Variants in ACACB observed in about 807,000 individuals in gnomAD.
ACACB encodes acetyl-CoA carboxylase beta.
ACACB carries 209 observed loss-of-function variants against 278.8 expected under a neutral mutation model. The ratio of observed to expected loss-of-function variants is 0.75; its 90% CI spans 0.67 to 0.84. The LOEUF (loss-of-function observed/expected upper bound fraction) is 0.84. Among genes scored for constraint, ACACB ranks in the 40% least tolerant of loss-of-function variants. The pLI is 0.00. For missense variants in ACACB, 2,850 were observed against 3,269.0 expected, an observed-to-expected ratio of 0.87 and a Z score of 3.13; for synonymous variants, 1,174 against 1,285.6, an observed-to-expected ratio of 0.91 and a Z score of 1.86.
intron 29 of ACACB, 71 bp downstream of exon 29, chr12:109,232,877 C>CA (rs1321611779): frequency 6.3e-7 from 1 of 1,577,520 alleles, no homozygotes; most frequent in African/African-American, 1.3e-5. Flanking sequence ...AATCCCCCCC[C>CA]AATTCACTGG....
chr12:109,210,163 A>ATG (rs2045706302), intron 21 of ACACB, among the ~76,000 whole-genome samples: 1 of 44,754 alleles, frequency 2.2e-5, no homozygotes, highest in African/African-American at 9.3e-5. Context: ...ACACGTGTGT[A>ATG]TATGTATATA....
At chr12:109,232,526 G>T (rs548382802) in intron 28 of ACACB, 143 bp from the exon 29 acceptor site, 117 of 1,044,422 alleles carry the variant, frequency 1.1e-4, no homozygotes, top group Non-Finnish European at 1.5e-4. Context: ...CCCAGCCATT[G>T]TCTCATCCCC....
chr12:109,202,700 C>A (rs74490046), intron 19 of ACACB, among the ~76,000 whole-genome samples: 1,561 of 152,062 alleles, frequency 0.01, 13 homozygotes, highest in Non-Finnish European at 0.016. Context: ...ATTTAATGAA[C>A]CAATATCGAT....
At chr12:109,117,973 C>A (rs2042448563) in intron 1 of ACACB, among the ~76,000 whole-genome samples, 1 of 152,190 alleles carries the variant, frequency 6.6e-6, no homozygotes, top group African/African-American at 2.4e-5. Context: ...TGGTCTCGAT[C>A]TCCTGACCTC....
At chr12:109,186,911 C>T (rs1248169758) in intron 12 of ACACB, among the ~76,000 whole-genome samples, 2 of 152,134 alleles carry the variant, frequency 1.3e-5, no homozygotes, top group Non-Finnish European at 2.9e-5. Flanking sequence ...TCCCCAAATC[C>T]TTCATCCCTT....
At chr12:109,150,995 T>C (rs1237559674) in intron 2 of ACACB, among the ~76,000 whole-genome samples, 2 of 143,856 alleles carry the variant, frequency 1.4e-5, no homozygotes, top group Non-Finnish European at 3.1e-5. Context: ...TTTTTTTTTT[T>C]TGAGACGGAG....
chr12:109,119,188 G>A (rs1408351757), intron 1 of ACACB, among the ~76,000 whole-genome samples: 1 of 152,176 alleles, frequency 6.6e-6, no homozygotes, highest in Non-Finnish European at 1.5e-5. Flanking sequence ...GATAACAAAT[G>A]GCAAAGCCTC....
intron 43 of ACACB, among the ~76,000 whole-genome samples, chr12:109,253,472 C>A (rs2047149106): frequency 6.6e-6 from 1 of 152,142 alleles, no homozygotes; most frequent in Non-Finnish European, 1.5e-5. Flanking sequence ...TACAGTCAGG[C>A]TGGATTTGAT....
intron 21 of ACACB, among the ~76,000 whole-genome samples, chr12:109,210,452 T>TGTGTATATATAC (rs2045790278): frequency 2.8e-5 from 4 of 143,360 alleles, no homozygotes; most frequent in African/African-American, 7.6e-5. Flanking sequence ...CATGTGTATA[T>TGTGTATATATAC]ATGTATATAT....
chr12:109,129,521 A>G (rs1292090220), intron 1 of ACACB, among the ~76,000 whole-genome samples: 1 of 152,216 alleles, frequency 6.6e-6, no homozygotes, highest in Non-Finnish European at 1.5e-5. Flanking sequence ...TTAAAAAAAT[A>G]ATCCTCTGTT....
rs565442409 is a variant in ACACB at position 109,257,796 on chromosome 12, C to G, written c.6264-472C>G. Among the ~76,000 whole-genome samples, 121 of 152,280 alleles carry G rather than the reference C, an allele frequency of 7.9e-4. 2 individuals are homozygous for G. The South Asian group carries it at 0.024, about 31-fold the overall frequency. On this transcript the variant is annotated intron_variant, in intron 45 of 52. Transcript: ENST00000338432. Reference sequence around the variant, plus strand: ...ATGCTGTCCAGGCTGGTCTCAAACTCCTGGACTCAAGCAATCCTCCTGCTT... The same window carrying G: ...ATGCTGTCCAGGCTGGTCTCAAACTGCTGGACTCAAGCAATCCTCCTGCTT...
intron 2 of ACACB, among the ~76,000 whole-genome samples, chr12:109,149,102 A>G (rs1351079332): frequency 6.6e-6 from 1 of 152,134 alleles, no homozygotes; most frequent in Admixed American, 6.6e-5. Context: ...CACCATTTGA[A>G]CCCAGACCCT....
intron 34 of ACACB, 150 bp from the exon 35 acceptor site, chr12:109,239,680 G>A: frequency 2.3e-6 from 2 of 883,998 alleles, no homozygotes; most frequent in Non-Finnish European, 3.3e-6. Flanking sequence ...GCCTCTGAGA[G>A]GCAGGGCTCT....
chr12:109,212,070 C>T (rs901717220), intron 21 of ACACB, among the ~76,000 whole-genome samples: 6 of 152,156 alleles, frequency 3.9e-5, no homozygotes, highest in South Asian at 2.1e-4. Flanking sequence ...TGGTATAAGG[C>T]GAATGTGTGC....
chr12:109,252,149 T>C lies in ACACB; in HGVS notation c.5894T>C (p.Leu1965Pro). 1 of 1,609,906 alleles carries C rather than the reference T, an allele frequency of 6.2e-7. No homozygotes were observed. The highest frequency in any genetic ancestry group is 2.2e-5 in the East Asian group (1 of 44,696). Residue 1965 changes from leucine (L) to proline (P), a missense_variant, in exon 42 of 53, where the codon CTC becomes CCC. This residue lies in a region of ACACB where 579 missense variants were observed against 684.6 expected (regional missense o/e 0.85). Transcript: ENST00000338432. ...SHIILTGASALNKVLGREVYT... is the reference protein window; with the variant it reads ...SHIILTGASAPNKVLGREVYT... The stretch of plus-strand genomic sequence containing the variant: ...ATCATCCTCACAGGAGCAAGTGCTC[T>C]CAACAAGGTGACCAAAAAGGGGCCT...
intron 11 of ACACB, among the ~76,000 whole-genome samples, chr12:109,184,706 ATTT>A (rs201836386): frequency 4.3e-5 from 6 of 139,150 alleles, no homozygotes; most frequent in Admixed American, 7.2e-5. Flanking sequence ...TGGCATTAAA[ATTT>A]TTTTTTTTTT....
intron 45 of ACACB, among the ~76,000 whole-genome samples, chr12:109,257,040 A>G (rs1259084670): frequency 6.6e-6 from 1 of 152,286 alleles, no homozygotes; most frequent in South Asian, 2.1e-4. Flanking sequence ...TTGGGAGGCC[A>G]AGGCGGGTGG....
chr12:109,119,842 C>T (rs1230808237), intron 1 of ACACB, among the ~76,000 whole-genome samples: 1 of 152,012 alleles, frequency 6.6e-6, no homozygotes. Context: ...TTGCAGCAAG[C>T]TGAGATCGCG....
rs903288303 is a variant in ACACB at position 109,243,997 on chromosome 12, T to C, written c.5178+1405T>C. Among the ~76,000 whole-genome samples the C allele has an allele frequency of 4.6e-5, 7 of 152,198 alleles. No individual in the cohort carries two copies. In the South Asian group the frequency reaches 1.5e-3, roughly 32 times the overall value. ...TGTGCCATGTTGGTATGGGATCTAA[T>C]TAAACTAAAGAGCTTCTGCACAGCA... On this transcript the variant is annotated intron_variant, in intron 37 of 52. Transcript: ENST00000338432.
Sources: gnomAD v4.1 joint callset for allele counts (sites outside exome capture counted in the v4.1 genomes callset) on GRCh38, gnomAD v4.1.1 for gene constraint, gnomAD v4.1.1 regional missense constraint, MANE v1.5 for transcripts, NCBI Gene and HGNC (gene_info 2026-07-23, HGNC 2026-07-21) for gene names.